Variants in NAV3 observed in about 807,000 individuals in gnomAD.
NAV3 encodes the protein pore membrane and/or filament interacting like protein 1.
In NAV3, 87 loss-of-function variants were observed where a neutral mutation model predicts 244.7. The ratio of observed to expected loss-of-function variants is 0.36; its 90% confidence interval spans 0.30 to 0.42. The LOEUF is 0.42. Ranked by LOEUF, NAV3 falls within the 20% of genes least tolerant of loss-of-function variation. NAV3 has a pLI of 1.00. For missense variants in NAV3, 2,663 were observed against 2,893.3 expected (o/e 0.92, Z 1.83); for synonymous variants, 1,126 against 1,042.2 (o/e 1.08, Z -1.55).
chr12:78,158,483 C>T (rs1957397998), intron 22 of NAV3, among the ~76,000 whole-genome samples: 1 of 152,056 alleles, frequency 6.6e-6, no homozygotes, highest in South Asian at 2.1e-4. Flanking sequence ...TTATGTACTA[C>T]AATATGTATA....
At position 77,789,085 on chromosome 12, in the gene NAV3, A is replaced by G. The variant is rs573860344; in HGVS notation, c.73-151234A>G. ...TCTAATCCTTCATCCTCTACTTTCC[A>G]TTCAATTGCTTCTGCCTTAGTTCAG... On this transcript the variant is annotated intron_variant, in intron 2 of 8. Transcript: ENST00000550042. Among the ~76,000 whole-genome samples the G allele has an allele frequency of 7.9e-4, 121 of 152,248 alleles. 1 individual carries two copies. The highest frequency in any genetic ancestry group is 2.6e-3 in the African/African-American group (110 of 41,548).
At chr12:77,902,165 C>T (rs1219564113) in intron 1 of NAV3, among the ~76,000 whole-genome samples, 1 of 152,154 alleles carries the variant, frequency 6.6e-6, no homozygotes, top group Admixed American at 6.5e-5. Flanking sequence ...TGGAACATCT[C>T]TTAATTATCT....
intron 2 of NAV3, among the ~76,000 whole-genome samples, chr12:77,793,895 C>A (rs1319345174): frequency 6.6e-6 from 1 of 152,182 alleles, no homozygotes; most frequent in Non-Finnish European, 1.5e-5. Flanking sequence ...TGGGGAATCA[C>A]CACAATGTCT....
intron 2 of NAV3, among the ~76,000 whole-genome samples, chr12:77,682,525 A>G (rs1874520100): frequency 6.6e-6 from 1 of 152,174 alleles, no homozygotes; most frequent in African/African-American, 2.4e-5. Context: ...ATCCAGTAAT[A>G]GAAATGCTGG....
chr12:77,966,474 A>G (rs988179401), intron 4 of NAV3, among the ~76,000 whole-genome samples, 173 bp downstream of exon 4: 1 of 152,120 alleles, frequency 6.6e-6, no homozygotes, highest in Non-Finnish European at 1.5e-5. Context: ...TATGTGCTCT[A>G]AGTATTTAAA....
chr12:77,783,996 G>A (rs1870790653), intron 2 of NAV3, among the ~76,000 whole-genome samples: 1 of 152,086 alleles, frequency 6.6e-6, no homozygotes, highest in Non-Finnish European at 1.5e-5. Flanking sequence ...TCATGACTCT[G>A]CTTCTCCCTG....
intron 3 of NAV3, among the ~76,000 whole-genome samples, chr12:77,955,554 TC>T (rs1477376678): frequency 6.6e-6 from 1 of 152,144 alleles, no homozygotes; most frequent in Admixed American, 6.6e-5. Context: ...CCTTTCCTAG[TC>T]TTTTTGGCCT....
intron 1 of NAV3, among the ~76,000 whole-genome samples, chr12:77,851,084 G>A (rs1327134973): frequency 6.6e-6 from 1 of 152,104 alleles, no homozygotes; most frequent in Non-Finnish European, 1.5e-5. Context: ...CTCTGCTGTG[G>A]CTATTCCATA....
chr12:78,153,113 G>T (rs1957139464), intron 22 of NAV3, among the ~76,000 whole-genome samples: 1 of 151,832 alleles, frequency 6.6e-6, no homozygotes, highest in Non-Finnish European at 1.5e-5. Flanking sequence ...TTTAAACTTG[G>T]CATAATTACA....
At chr12:77,817,522 C>T (rs1279534210) in intron 2 of NAV3, among the ~76,000 whole-genome samples, 4 of 151,220 alleles carry the variant, frequency 2.6e-5, no homozygotes, top group African/African-American at 7.3e-5. Flanking sequence ...CTAGTGATTC[C>T]GTCAAGACCA....
chr12:78,128,984 T>C, intron 18 of NAV3, 118 bp downstream of exon 18: 1 of 881,896 alleles, frequency 1.1e-6, no homozygotes, highest in Non-Finnish European at 1.7e-6. Context: ...ATAAAAGCAC[T>C]TTAACAGTAC....
chr12:77,813,109 C>T (rs1338333593), intron 2 of NAV3, among the ~76,000 whole-genome samples: 1 of 152,140 alleles, frequency 6.6e-6, no homozygotes, highest in Admixed American at 6.6e-5. Flanking sequence ...AGGTGTAAGC[C>T]ATCATGCCTG....
intron 12 of NAV3, among the ~76,000 whole-genome samples, chr12:78,103,710 G>C (rs1954656713): frequency 6.6e-6 from 1 of 152,190 alleles, no homozygotes; most frequent in Non-Finnish European, 1.5e-5. Context: ...ATGGCAGCAA[G>C]AGAAAATGAG....
chr12:77,748,058 A>G (rs887593372), intron 2 of NAV3, among the ~76,000 whole-genome samples: 5 of 152,244 alleles, frequency 3.3e-5, no homozygotes, highest in African/African-American at 4.8e-5. Context: ...AAAAAAATTG[A>G]TTTTAAGTCT....
intron 5 of NAV3, among the ~76,000 whole-genome samples, chr12:77,973,493 G>A (rs1893178931): frequency 6.6e-6 from 1 of 152,126 alleles, no homozygotes; most frequent in East Asian, 1.9e-4. Context: ...GCTCCTACAG[G>A]ATTCACAAGT....
chr12:77,612,589 G>T (rs78352710), intron 2 of NAV3, among the ~76,000 whole-genome samples: 6,110 of 152,094 alleles, frequency 0.04, 237 homozygotes, highest in African/African-American at 0.1. Flanking sequence ...TATCTAAACT[G>T]AACACTACAC....
At chr12:78,107,737 TA>T (rs1458861728) in intron 12 of NAV3, among the ~76,000 whole-genome samples, 1 of 151,970 alleles carries the variant, frequency 6.6e-6, no homozygotes, top group Non-Finnish European at 1.5e-5. Flanking sequence ...GGACCTACAA[TA>T]AATGCTCAAG....
chr12:77,908,342 T>C (rs1886217184), intron 1 of NAV3, among the ~76,000 whole-genome samples: 1 of 152,086 alleles, frequency 6.6e-6, no homozygotes, highest in Non-Finnish European at 1.5e-5. Flanking sequence ...TTATAACTTC[T>C]TGTGGGCTAA....
At chr12:78,017,701 C>T (rs1480487330) in intron 8 of NAV3, among the ~76,000 whole-genome samples, 8 of 152,086 alleles carry the variant, frequency 5.3e-5, no homozygotes, top group Non-Finnish European at 1.2e-4. Context: ...AATGTACTTT[C>T]TGATTAGAAA....
Sources: allele counts gnomAD v4.1 joint callset (sites outside exome capture counted in the v4.1 genomes callset), GRCh38; gene constraint gnomAD v4.1.1; transcripts MANE v1.5; gene names NCBI Gene and HGNC (gene_info 2026-07-23, HGNC 2026-07-21).